Variants in SOCS2 observed in about 807,000 individuals in gnomAD.
The protein encoded by SOCS2 is suppressor of cytokine signaling 2, also known as CIS-2.
Under a neutral mutation model 18.6 loss-of-function variants are expected in SOCS2, and 10 were observed. The ratio of observed to expected loss-of-function variants is 0.54; its 90% CI spans 0.33 to 0.91. SOCS2 has a LOEUF of 0.91. Among genes scored for constraint, SOCS2 ranks in the 40% least tolerant of loss-of-function variants. The probability of loss-of-function intolerance (pLI) is 0.02; values close to 1 mark genes in which losing one functional copy is unlikely to be tolerated. For missense variants in SOCS2, 231 were observed against 247.2 expected, an observed-to-expected ratio of 0.93 and a Z score of 0.44; for synonymous variants, 104 against 104.0, an observed-to-expected ratio of 1.00 and a Z score of 0.00.
chr12:93,589,381 A>G, the SOCS2 span, among the ~76,000 whole-genome samples: 16 of 152,252 alleles, frequency 1.1e-4, no homozygotes, highest in Admixed American at 7.2e-4. Flanking sequence ...GGGTTCTATC[A>G]TTTGTCTTCT....
At chr12:93,580,197 G>A (rs150825563), downstream of SOCS2, among the ~76,000 whole-genome samples, 149 of 152,182 alleles carry the variant, frequency 9.8e-4, no homozygotes, top group Admixed American at 2.2e-3. Context: ...CCCAGTTTCC[G>A]GTTTCCTACA....
At chr12:93,604,364 T>C in the SOCS2 span, among the ~76,000 whole-genome samples, 1 of 152,196 alleles carries the variant, frequency 6.6e-6, no homozygotes, top group African/African-American at 2.4e-5. Context: ...TGCATTTTTA[T>C]TCCCCAGACC....
At chr12:93,601,260 T>C in the SOCS2 span, among the ~76,000 whole-genome samples, 1 of 151,994 alleles carries the variant, frequency 6.6e-6, no homozygotes, top group Admixed American at 6.6e-5. Flanking sequence ...TTTAAAAATT[T>C]CATATTTATT....
the SOCS2 span, among the ~76,000 whole-genome samples, chr12:93,614,480 T>TTCCCTTCCTTCCTTCC: frequency 3.8e-5 from 1 of 26,134 alleles, no homozygotes; most frequent in Non-Finnish European, 6.6e-5. Flanking sequence ...CCTTCCTTCC[T>TTCCCTTCCTTCCTTCC]TTCCTTCCTT....
At chr12:93,574,596 C>A in intron 1 of SOCS2, 126 bp from the exon 2 acceptor site, 1 of 625,036 alleles carries the variant, frequency 1.6e-6, no homozygotes, top group Non-Finnish European at 2.5e-6. Context: ...TTCGCTCACA[C>A]ACCACCTTTT....
At chr12:93,600,020 A>G in the SOCS2 span, among the ~76,000 whole-genome samples, 1 of 152,230 alleles carries the variant, frequency 6.6e-6, no homozygotes, top group African/African-American at 2.4e-5. Flanking sequence ...AATGCTTTAC[A>G]TTTACAATAT....
At chr12:93,614,540 C>CTTCCTTTCTTTCTTTCT in the SOCS2 span, among the ~76,000 whole-genome samples, 1 of 37,132 alleles carries the variant, frequency 2.7e-5, no homozygotes, top group Non-Finnish European at 4.4e-5. Context: ...TCCTTCCTTC[C>CTTCCTTTCTTTCTTTCT]TTCTTTCTTT....
chr12:93,607,355 T>C, the SOCS2 span, among the ~76,000 whole-genome samples: 1 of 152,190 alleles, frequency 6.6e-6, no homozygotes, highest in South Asian at 2.1e-4. Context: ...GAGTGATCCC[T>C]TTTTTCCACT....
chr12:93,614,475 C>CTTTCTTTTTCT, the SOCS2 span, among the ~76,000 whole-genome samples: 2 of 77,636 alleles, frequency 2.6e-5, 1 homozygote, highest in African/African-American at 1.6e-4. Flanking sequence ...TCCTTCCTTC[C>CTTTCTTTTTCT]TTCCTTTCCT....
chr12:93,611,126 G>A, the SOCS2 span, among the ~76,000 whole-genome samples: 1 of 152,150 alleles, frequency 6.6e-6, no homozygotes, highest in African/African-American at 2.4e-5. Flanking sequence ...CTTCTGGCCA[G>A]TTATTACCAT....
the SOCS2 span, among the ~76,000 whole-genome samples, chr12:93,600,809 G>A: frequency 6.9e-6 from 1 of 145,456 alleles, no homozygotes; most frequent in Admixed American, 6.9e-5. Context: ...TTTTTTTAGA[G>A]ATGAGGTCTT....
At chr12:93,595,232 A>G in the SOCS2 span, among the ~76,000 whole-genome samples, 1 of 152,164 alleles carries the variant, frequency 6.6e-6, no homozygotes, top group Admixed American at 6.5e-5. Flanking sequence ...TTCCACACTG[A>G]TAGTTAACTT....
At chr12:93,613,757 C>T in the SOCS2 span, among the ~76,000 whole-genome samples, 1 of 152,168 alleles carries the variant, frequency 6.6e-6, no homozygotes, top group Admixed American at 6.5e-5. Flanking sequence ...ATGTTCTCAT[C>T]ACAAAAATGT....
At chr12:93,614,444 T>C in the SOCS2 span, among the ~76,000 whole-genome samples, 2 of 70,332 alleles carry the variant, frequency 2.8e-5, no homozygotes, top group South Asian at 9.8e-4. Context: ...CCTTCCTTCC[T>C]TCCTTCCTTC....
chr12:93,610,828 T>C, the SOCS2 span, among the ~76,000 whole-genome samples: 1 of 152,194 alleles, frequency 6.6e-6, no homozygotes, highest in Non-Finnish European at 1.5e-5. Flanking sequence ...ATCTTGGACT[T>C]CTCAGCCTCT....
chr12:93,599,297 G>A, the SOCS2 span, among the ~76,000 whole-genome samples: 3 of 151,550 alleles, frequency 2.0e-5, no homozygotes, highest in African/African-American at 7.3e-5. Flanking sequence ...GGAACTACAG[G>A]CATGCACCAC....
the SOCS2 span, among the ~76,000 whole-genome samples, chr12:93,613,377 CT>C: frequency 1.5e-4 from 23 of 151,248 alleles, no homozygotes; most frequent in African/African-American, 5.6e-4. Context: ...TCCTTTTTTT[CT>C]TTTTCTTTTT....
At chr12:93,581,541 T>A (rs976233800), downstream of SOCS2, among the ~76,000 whole-genome samples, 2 of 152,226 alleles carry the variant, frequency 1.3e-5, no homozygotes, top group Admixed American at 1.3e-4. Flanking sequence ...ACCTTTTCAA[T>A]TTCTTAGTAG....
rs1216087947 is a variant in SOCS2, at chr12:93,574,462, G to A, written c.140-260G>A. On this transcript the variant is annotated intron_variant, in intron 1 of 1. Transcript: ENST00000551556. ...TTGGTTCATTAGAAGAAAATCTTAA[G>A]AAGAGCTTCAGAAAGTTGATTTTTT... 1.6e-5 allele frequency: 5 copies of A among 322,566 alleles called. No individual in the cohort carries two copies. The South Asian group carries it at 3.2e-4, about 21-fold the overall frequency. The allele number at this position is 322,566 out of a possible 1,614,324, so 20.0% of individuals were successfully genotyped here. A position where few individuals can be genotyped will look rare whatever the true frequency, so the allele number is the denominator to read the frequency against.
Sources: allele counts gnomAD v4.1 joint callset (sites outside exome capture counted in the v4.1 genomes callset), GRCh38; gene constraint gnomAD v4.1.1; transcripts MANE v1.5; gene names NCBI Gene and HGNC (gene_info 2026-07-23, HGNC 2026-07-21).